Variants in UBE2R2 observed in about 807,000 individuals in gnomAD.
UBE2R2 encodes ubiquitin-conjugating enzyme E2 R2.
Under a neutral mutation model 27.8 loss-of-function variants are expected in UBE2R2, and 1 was observed. The ratio of observed to expected loss-of-function variants is 0.04; its 90% CI spans 0.01 to 0.17. The LOEUF is 0.17. Among genes scored for constraint, UBE2R2 ranks in the 10% least tolerant of loss-of-function variants. The pLI, the probability that UBE2R2 is intolerant of heterozygous loss-of-function variation, is 1.00. For missense variants in UBE2R2, 100 were observed against 291.0 expected, an observed-to-expected ratio of 0.34 and a Z score of 4.78; for synonymous variants, 106 against 113.3, an observed-to-expected ratio of 0.94 and a Z score of 0.41.
At chr9:33,815,708 T>C (rs1481991322), upstream of UBE2R2, among the ~76,000 whole-genome samples, 1 of 152,188 alleles carries the variant, frequency 6.6e-6, no homozygotes, top group Non-Finnish European at 1.5e-5. Flanking sequence ...CACTCTACTG[T>C]ACTCCAGCCT....
chr9:33,840,057 TTGAATGAA>T (rs767677508), intron 1 of UBE2R2, among the ~76,000 whole-genome samples: 7 of 152,184 alleles, frequency 4.6e-5, no homozygotes, highest in Non-Finnish European at 8.8e-5. Flanking sequence ...GTATAGCAGC[TTGAATGAA>T]CTAAGTAGGT....
intron 1 of UBE2R2, among the ~76,000 whole-genome samples, chr9:33,884,183 C>T (rs1821797461): frequency 1.1e-5 from 1 of 93,094 alleles, no homozygotes; most frequent in Non-Finnish European, 2.5e-5. Flanking sequence ...AGTTTTTGTA[C>T]TTAACAACTT....
At chr9:33,872,041 A>G (rs768832902) in intron 1 of UBE2R2, among the ~76,000 whole-genome samples, 1 of 152,166 alleles carries the variant, frequency 6.6e-6, no homozygotes, top group Non-Finnish European at 1.5e-5. Context: ...GACAGCTGAT[A>G]TATAGGTCAA....
chr9:33,829,831 A>G (rs1005069307), intron 1 of UBE2R2, among the ~76,000 whole-genome samples: 2 of 119,748 alleles, frequency 1.7e-5, no homozygotes, highest in African/African-American at 6.5e-5. Context: ...GTTTCGCTCT[A>G]GTTGCCCAGA....
chr9:33,859,658 G>C (rs1821179041), intron 1 of UBE2R2, among the ~76,000 whole-genome samples: 1 of 151,646 alleles, frequency 6.6e-6, no homozygotes, highest in Non-Finnish European at 1.5e-5. Flanking sequence ...AAATTTCTTT[G>C]TTTTGTTTTT....
chr9:33,826,412 A>T (rs1820315869), intron 1 of UBE2R2, among the ~76,000 whole-genome samples: 1 of 152,094 alleles, frequency 6.6e-6, no homozygotes, highest in Admixed American at 6.6e-5. Context: ...TTTAAGATGC[A>T]AAGTGGCTAG....
chr9:33,890,593 T>C (rs1821957935), intron 2 of UBE2R2, among the ~76,000 whole-genome samples: 1 of 151,536 alleles, frequency 6.6e-6, no homozygotes, highest in Non-Finnish European at 1.5e-5. Context: ...AGGCAGAACA[T>C]GAGGTCAGGA....
rs185218819 is a variant in UBE2R2, at chr9:33,905,451, A to G, written c.362+5180A>G. Among the ~76,000 whole-genome samples, 469 of 152,258 alleles carry G rather than the reference A, an allele frequency of 3.1e-3. 2 individuals carry two copies. Among genetic ancestry groups the G allele is most frequent in the Non-Finnish European group, 4.8e-3 (329 of 68,000 alleles). On this transcript the variant is annotated intron_variant, in intron 3 of 4. Transcript: ENST00000263228. ...TTATTTGCTTCCTTGGTTTTTGTGCATGGGGTCCCACTGCCCTCAACCTGC... is the reference window on the plus strand; with the variant it reads ...TTATTTGCTTCCTTGGTTTTTGTGCGTGGGGTCCCACTGCCCTCAACCTGC...
At chr9:33,825,354 C>T (rs1310783732) in intron 1 of UBE2R2, among the ~76,000 whole-genome samples, 1 of 150,754 alleles carries the variant, frequency 6.6e-6, no homozygotes, top group Non-Finnish European at 1.5e-5. Context: ...CAATTCTCCT[C>T]CTCAGCTTCC....
chr9:33,857,142 C>T (rs1029442341), intron 1 of UBE2R2, among the ~76,000 whole-genome samples: 3 of 151,596 alleles, frequency 2.0e-5, no homozygotes, highest in Non-Finnish European at 4.4e-5. Flanking sequence ...GTGATCCGCC[C>T]GTCTGAGCCT....
At position 33,901,459 on chromosome 9, in the gene UBE2R2, C is replaced by A. The variant is rs116817273; in HGVS notation, c.362+1188C>A. ...CCTTGGAAGGAATATGCATAGCCCA[C>A]AACTAAGGAGAGGGTGGCTATACCT... On this transcript the variant is annotated intron_variant, in intron 3 of 4. Coordinates refer to ENST00000263228, the MANE Select transcript of UBE2R2 (RefSeq NM_017811.4). Among the ~76,000 whole-genome samples, 566 of 152,320 alleles carry A rather than the reference C, an allele frequency of 3.7e-3. 7 individuals are homozygous for A. Among genetic ancestry groups the A allele is most frequent in the African/African-American group, 0.013 (528 of 41,564 alleles).
chr9:33,890,247 C>T (rs1305976655), intron 2 of UBE2R2, among the ~76,000 whole-genome samples: 3 of 152,128 alleles, frequency 2.0e-5, no homozygotes, highest in African/African-American at 7.2e-5. Context: ...GCATGCATAT[C>T]CCATAAATGT....
chr9:33,905,972 G>A lies in UBE2R2; in HGVS notation c.362+5701G>A, dbSNP rs149780921. 7.9e-3 allele frequency among the ~76,000 whole-genome samples: 1,203 copies of A among 152,182 alleles called. 13 individuals are homozygous for A. The highest frequency in any genetic ancestry group is 0.027 in the African/African-American group (1,102 of 41,506). The stretch of plus-strand genomic sequence containing the variant: ...CATCAACTGTCATCACATTACGCTG[G>A]GTCTATAAAACTCAATATCTAAATC... On this transcript the variant is annotated intron_variant, in intron 3 of 4. Coordinates refer to ENST00000263228, the MANE Select transcript of UBE2R2 (RefSeq NM_017811.4).
chr9:33,868,273 G>A (rs988639345), intron 1 of UBE2R2, among the ~76,000 whole-genome samples: 3 of 152,058 alleles, frequency 2.0e-5, no homozygotes, highest in African/African-American at 7.2e-5. Context: ...GGATAGGGGC[G>A]GGGCAGGCCA....
rs1825830896 is a variant in UBE2R2 at position 33,817,631 on chromosome 9, T to G, written c.-127T>G. On this transcript the variant is annotated 5_prime_UTR_variant, in exon 1 of 5. Coordinates refer to ENST00000263228, the MANE Select transcript of UBE2R2 (RefSeq NM_017811.4). ...GTGGGGCCTGGTCTGGCCCGCCGGG[T>G]GTGTGAAGACCGGGGCCCGGTGCTG... 2.8e-6 allele frequency: 3 copies of G among 1,075,874 alleles called. No individual in the cohort carries two copies. The highest frequency in any genetic ancestry group is 3.4e-6 in the Non-Finnish European group (3 of 883,122). 66.6% of individuals were successfully genotyped at this position (1,075,874 alleles called of 1,614,324 possible). A position where few individuals can be genotyped will look rare whatever the true frequency, so the allele number is the denominator to read the frequency against.
intron 1 of UBE2R2, among the ~76,000 whole-genome samples, chr9:33,845,250 C>CT (rs775624392): frequency 0.08 from 11,227 of 140,086 alleles, 606 homozygotes; most frequent in Non-Finnish European, 0.12. Context: ...GTGGCACAAT[C>CT]TTTTTTTTTT....
intron 1 of UBE2R2, among the ~76,000 whole-genome samples, chr9:33,825,894 C>G (rs931947915): frequency 2.6e-5 from 4 of 152,180 alleles, no homozygotes; most frequent in African/African-American, 9.7e-5. Context: ...GTAATCCCAG[C>G]ACTTTTGGGA....
At chr9:33,911,568 A>C (rs1822491410) in intron 3 of UBE2R2, among the ~76,000 whole-genome samples, 1 of 152,078 alleles carries the variant, frequency 6.6e-6, no homozygotes, top group South Asian at 2.1e-4. Context: ...GAAAGCTTCT[A>C]AGACATCTGC....
intron 1 of UBE2R2, among the ~76,000 whole-genome samples, chr9:33,848,329 ATCAG>A (rs1192700040): frequency 2.0e-5 from 3 of 151,940 alleles, no homozygotes; most frequent in Non-Finnish European, 2.9e-5. Context: ...TTCTCCTCTT[ATCAG>A]TCATTCTCCC....
Sources: allele counts gnomAD v4.1 joint callset (sites outside exome capture counted in the v4.1 genomes callset), GRCh38; gene constraint gnomAD v4.1.1; transcripts MANE v1.5; gene names NCBI Gene and HGNC (gene_info 2026-07-23, HGNC 2026-07-21).